TTLL5: variants seen among roughly 807,000 people sequenced by gnomAD.
TTLL5 encodes the protein tubulin tyrosine ligase like 5.
TTLL5 carries 132 observed loss-of-function variants against 168.4 expected under a neutral mutation model. The ratio of observed to expected loss-of-function variants is 0.78; its 90% CI spans 0.68 to 0.91. The LOEUF (loss-of-function observed/expected upper bound fraction) is 0.91. Among genes scored for constraint, TTLL5 ranks in the 40% least tolerant of loss-of-function variants. TTLL5 has a pLI of 0.00. For missense variants in TTLL5, 1,545 were observed against 1,581.5 expected, an observed-to-expected ratio of 0.98 and a Z score of 0.39; for synonymous variants, 546 against 558.6, an observed-to-expected ratio of 0.98 and a Z score of 0.32.
intron 28 of TTLL5, among the ~76,000 whole-genome samples, chr14:75,822,273 G>T (rs909406893): frequency 6.6e-6 from 1 of 152,176 alleles, no homozygotes; most frequent in Non-Finnish European, 1.5e-5. Flanking sequence ...GTAGCTTAGA[G>T]ATCTGAGTTT....
chr14:75,932,622 T>C (rs927591686), intron 31 of TTLL5, among the ~76,000 whole-genome samples: 3 of 152,210 alleles, frequency 2.0e-5, no homozygotes, highest in African/African-American at 7.2e-5. Flanking sequence ...ACTGCTGTGG[T>C]AGAAAAACTC....
At chr14:75,897,822 A>C (rs75485402) in intron 30 of TTLL5, among the ~76,000 whole-genome samples, 3,748 of 152,270 alleles carry the variant, frequency 0.025, 60 homozygotes, top group Middle Eastern at 0.085. Flanking sequence ...GAAGAACCTA[A>C]ATAAGACCAT....
chr14:75,890,627 GTTC>G (rs1226463150), intron 30 of TTLL5, among the ~76,000 whole-genome samples: 3 of 152,146 alleles, frequency 2.0e-5, no homozygotes, highest in East Asian at 1.9e-4. Flanking sequence ...GCCTAAATTG[GTTC>G]TTCTTAAACA....
At chr14:75,902,910 G>T (rs2032987370) in intron 31 of TTLL5, among the ~76,000 whole-genome samples, 1 of 152,218 alleles carries the variant, frequency 6.6e-6, no homozygotes, top group Non-Finnish European at 1.5e-5. Context: ...GGGTGAACAA[G>T]ACAGTCTGCT....
chr14:75,927,822 T>C (rs1216680574), intron 31 of TTLL5, among the ~76,000 whole-genome samples: 1 of 152,222 alleles, frequency 6.6e-6, no homozygotes, highest in Non-Finnish European at 1.5e-5. Context: ...GGACCTTGAC[T>C]ATAGTTTCAC....
chr14:75,882,330 G>A (rs1435781698), intron 29 of TTLL5, among the ~76,000 whole-genome samples: 4 of 152,060 alleles, frequency 2.6e-5, no homozygotes, highest in African/African-American at 4.8e-5. Flanking sequence ...AGTACTTCAC[G>A]CCTCGAAAGA....
At chr14:75,842,989 G>A (rs1896339651) in intron 28 of TTLL5, among the ~76,000 whole-genome samples, 1 of 152,190 alleles carries the variant, frequency 6.6e-6, no homozygotes, top group African/African-American at 2.4e-5. Flanking sequence ...GTGGAGGCAA[G>A]TTTTGAACAG....
chr14:75,738,450 A>G (rs1012148690), intron 15 of TTLL5, among the ~76,000 whole-genome samples: 1 of 152,202 alleles, frequency 6.6e-6, no homozygotes, highest in African/African-American at 2.4e-5. Context: ...ACTGTTTCTG[A>G]TAAAGTGATT....
At chr14:75,743,668 G>A (rs369596523) in intron 15 of TTLL5, among the ~76,000 whole-genome samples, 6 of 132,072 alleles carry the variant, frequency 4.5e-5, no homozygotes, top group Admixed American at 2.8e-4. Context: ...TGCATGCTCC[G>A]CCTCCTGGGT....
At chr14:75,890,693 A>C in intron 30 of TTLL5, among the ~76,000 whole-genome samples, 1 of 152,144 alleles carries the variant, frequency 6.6e-6, no homozygotes, top group East Asian at 1.9e-4. Context: ...ATAGTTCTTC[A>C]AACTATTTTT....
chr14:75,783,578 C>G, intron 26 of TTLL5, 48 bp downstream of exon 26: 1 of 1,575,760 alleles, frequency 6.3e-7, no homozygotes, highest in African/African-American at 1.4e-5. Flanking sequence ...TCCTCCCCAG[C>G]CCCAATAAAG....
intron 4 of TTLL5, among the ~76,000 whole-genome samples, chr14:75,682,793 G>T (rs2140120670): frequency 6.6e-6 from 1 of 150,564 alleles, no homozygotes; most frequent in East Asian, 1.9e-4. Flanking sequence ...TAGAGATGGA[G>T]TCTCACTGAG....
chr14:75,833,784 G>A (rs1321676871), intron 28 of TTLL5, among the ~76,000 whole-genome samples: 1 of 152,160 alleles, frequency 6.6e-6, no homozygotes, highest in African/African-American at 2.4e-5. Context: ...AAATGAAGTA[G>A]AGTGTGCAAA....
chr14:75,686,294 T>G (rs1165037825), intron 5 of TTLL5, among the ~76,000 whole-genome samples: 1 of 152,236 alleles, frequency 6.6e-6, no homozygotes, highest in African/African-American at 2.4e-5. Flanking sequence ...ACCCTGGTTT[T>G]AAGGTGCTAA....
intron 9 of TTLL5, 63 bp from the exon 10 acceptor site, chr14:75,717,798 A>C: frequency 6.8e-7 from 1 of 1,471,572 alleles, no homozygotes; most frequent in Non-Finnish European, 9.5e-7. Flanking sequence ...ATTGATCCTC[A>C]GTTCCAGCCT....
chr14:75,949,570 G>A (rs1230627187), intron 31 of TTLL5, among the ~76,000 whole-genome samples: 1 of 151,580 alleles, frequency 6.6e-6, no homozygotes, highest in African/African-American at 2.4e-5. Context: ...ACAGTTTGTA[G>A]CCTGGCCTGG....
At chr14:75,852,921 A>ACTGTTTCAG (rs1158951672) in intron 28 of TTLL5, among the ~76,000 whole-genome samples, 1 of 152,204 alleles carries the variant, frequency 6.6e-6, no homozygotes, top group Non-Finnish European at 1.5e-5. Flanking sequence ...TTCTTAGTAG[A>ACTGTTTCAG]CTGTTTCAGT....
intron 28 of TTLL5, among the ~76,000 whole-genome samples, chr14:75,857,757 T>C (rs1897207830): frequency 6.6e-6 from 1 of 151,856 alleles, no homozygotes; most frequent in Non-Finnish European, 1.5e-5. Context: ...GTTCAAGCGA[T>C]TCTCCTGCCT....
At chr14:75,886,619 ATT>A in intron 30 of TTLL5, 1 of 1,147,200 alleles carries the variant, frequency 8.7e-7, no homozygotes, top group Non-Finnish European at 1.2e-6. Context: ...ATGATTTAAA[ATT>A]TTTTTTTTTA....
Sources: allele counts gnomAD v4.1 joint callset (sites outside exome capture counted in the v4.1 genomes callset), GRCh38; gene constraint gnomAD v4.1.1; transcripts MANE v1.5; gene names NCBI Gene and HGNC (gene_info 2026-07-23, HGNC 2026-07-21).